RNGTT: variants seen among roughly 807,000 people sequenced by gnomAD.
RNGTT encodes the protein mRNA-capping enzyme.
Under a neutral mutation model 79.3 loss-of-function variants are expected in RNGTT, and 33 were observed. The ratio of observed to expected loss-of-function variants is 0.42; its 90% CI spans 0.32 to 0.56. RNGTT has a LOEUF of 0.56. Ranked by LOEUF, RNGTT falls within the 20% of genes least tolerant of loss-of-function variation. The pLI is 0.17. For synonymous variants in RNGTT, 222 were observed against 235.9 expected, an observed-to-expected ratio of 0.94 and a Z score of 0.54; for missense variants, 497 against 739.1, an observed-to-expected ratio of 0.67 and a Z score of 3.80.
At chr6:88,937,414 A>G (rs1159176588) in intron 2 of RNGTT, among the ~76,000 whole-genome samples, 2 of 150,244 alleles carry the variant, frequency 1.3e-5, no homozygotes, top group African/African-American at 4.9e-5. Flanking sequence ...TCTCTTTCTC[A>G]TTTCTGATTT....
At chr6:88,906,688 G>A (rs936106532) in intron 4 of RNGTT, among the ~76,000 whole-genome samples, 3 of 152,082 alleles carry the variant, frequency 2.0e-5, no homozygotes, top group Admixed American at 2.0e-4. Flanking sequence ...TGTCTCTACT[G>A]TTTAACAAGT....
At chr6:88,903,988 C>A (rs1420674498) in intron 6 of RNGTT, among the ~76,000 whole-genome samples, 1 of 152,014 alleles carries the variant, frequency 6.6e-6, no homozygotes, top group Non-Finnish European at 1.5e-5. Flanking sequence ...TGAGAGTCTT[C>A]TTGATTTAAT....
chr6:88,736,991 G>A (rs1777310029), intron 13 of RNGTT, among the ~76,000 whole-genome samples: 2 of 152,192 alleles, frequency 1.3e-5, no homozygotes, highest in South Asian at 4.1e-4. Context: ...AGCCTTGGAG[G>A]CAGGAGTCTA....
intron 8 of RNGTT, among the ~76,000 whole-genome samples, chr6:88,875,356 G>T (rs1782485649): frequency 6.6e-6 from 1 of 151,950 alleles, no homozygotes; most frequent in African/African-American, 2.4e-5. Context: ...ATTATCCCAA[G>T]GGGTGGGATA....
chr6:88,898,773 C>T (rs1783341787), intron 6 of RNGTT, among the ~76,000 whole-genome samples: 1 of 149,298 alleles, frequency 6.7e-6, no homozygotes, highest in Non-Finnish European at 1.5e-5. Flanking sequence ...AAAGAAATAA[C>T]CAAAAAGTAC....
chr6:88,866,568 A>G (rs964165395), intron 8 of RNGTT, among the ~76,000 whole-genome samples: 3 of 152,176 alleles, frequency 2.0e-5, no homozygotes, highest in Non-Finnish European at 4.4e-5. Flanking sequence ...TGAATATAAT[A>G]TATTTTACTA....
At chr6:88,771,309 GTGTGTGTATATATATATATATA>G (rs1288747861) in intron 12 of RNGTT, among the ~76,000 whole-genome samples, 5 of 87,348 alleles carry the variant, frequency 5.7e-5, no homozygotes, top group African/African-American at 1.5e-4. Context: ...ATGTATGTGT[GTGTGTGTATATATATATATATA>G]TATATATATA....
intron 4 of RNGTT, among the ~76,000 whole-genome samples, chr6:88,918,564 A>G (rs1047931918): frequency 1.3e-5 from 2 of 152,244 alleles, no homozygotes; most frequent in African/African-American, 4.8e-5. Flanking sequence ...TGACAATAAT[A>G]GAAACGATAT....
chr6:88,915,140 G>C (rs1027263173), intron 4 of RNGTT, among the ~76,000 whole-genome samples: 8 of 151,500 alleles, frequency 5.3e-5, no homozygotes, highest in Non-Finnish European at 7.4e-5. Context: ...AGGCTGCAGA[G>C]AAAAGGGAAT....
At chr6:88,898,294 A>G (rs1410422937) in intron 6 of RNGTT, among the ~76,000 whole-genome samples, 1 of 152,126 alleles carries the variant, frequency 6.6e-6, no homozygotes, top group Non-Finnish European at 1.5e-5. Context: ...ATGAAATCAT[A>G]CTGTTAAATT....
intron 13 of RNGTT, among the ~76,000 whole-genome samples, chr6:88,727,311 T>C (rs1378500091): frequency 6.6e-6 from 1 of 152,238 alleles, no homozygotes; most frequent in African/African-American, 2.4e-5. Context: ...GATTTTTACA[T>C]ACATTAAAAG....
intron 11 of RNGTT, among the ~76,000 whole-genome samples, chr6:88,809,826 A>T (rs1389075597): frequency 6.6e-6 from 1 of 152,096 alleles, no homozygotes; most frequent in Non-Finnish European, 1.5e-5. Flanking sequence ...AGGTGGGAGG[A>T]TCACTTAAGG....
At chr6:88,826,774 A>G (rs1582508517) in intron 11 of RNGTT, among the ~76,000 whole-genome samples, 1 of 143,516 alleles carries the variant, frequency 7.0e-6, no homozygotes, top group African/African-American at 2.6e-5. Context: ...CAAGAGCAAA[A>G]CCCTGTCTCA....
At chr6:88,955,487 T>G (rs892594622) in intron 1 of RNGTT, among the ~76,000 whole-genome samples, 1 of 146,154 alleles carries the variant, frequency 6.8e-6, no homozygotes, top group African/African-American at 2.5e-5. Context: ...GAGGCGGAGG[T>G]TGCAGTGAGC....
chr6:88,720,061 AC>A (rs1776656669), intron 13 of RNGTT, among the ~76,000 whole-genome samples: 2 of 152,104 alleles, frequency 1.3e-5, no homozygotes, highest in African/African-American at 4.8e-5. Flanking sequence ...GTTGAGCTCA[AC>A]TCCTAGTCTA....
At chr6:88,649,701 A>T (rs1278618607) in intron 14 of RNGTT, among the ~76,000 whole-genome samples, 1 of 152,262 alleles carries the variant, frequency 6.6e-6, no homozygotes, top group East Asian at 1.9e-4. Flanking sequence ...AGTCTCAAAA[A>T]AAAAAAGGTT....
chr6:88,876,348 G>A (rs1469273127), intron 8 of RNGTT, among the ~76,000 whole-genome samples: 2 of 152,092 alleles, frequency 1.3e-5, no homozygotes, highest in Non-Finnish European at 2.9e-5. Context: ...GGACAACACG[G>A]GGAAACCCTA....
intron 14 of RNGTT, among the ~76,000 whole-genome samples, chr6:88,666,149 TG>T (rs1359877523): frequency 2.0e-5 from 3 of 152,158 alleles, no homozygotes; most frequent in Non-Finnish European, 4.4e-5. Flanking sequence ...ACCATTTGAA[TG>T]GGGGTCCCAA....
At chr6:88,891,961 T>C in intron 6 of RNGTT, 46 bp from the exon 7 acceptor site, 2 of 1,270,102 alleles carry the variant, frequency 1.6e-6, no homozygotes, top group African/African-American at 3.1e-5. Context: ...AAATATTTTA[T>C]TAGAGTTCAA....
Sources: gnomAD v4.1 joint callset for allele counts (sites outside exome capture counted in the v4.1 genomes callset) on GRCh38, gnomAD v4.1.1 for gene constraint, MANE v1.5 for transcripts, NCBI Gene and HGNC (gene_info 2026-07-23, HGNC 2026-07-21) for gene names.